Variants in ELK4 observed in about 807,000 individuals in gnomAD.
ELK4 encodes ETS transcription factor ELK4.
ELK4 carries 16 observed loss-of-function variants against 29.6 expected under a neutral mutation model. The ratio of observed to expected loss-of-function variants is 0.54; its 90% CI spans 0.37 to 0.82. The LOEUF (loss-of-function observed/expected upper bound fraction) is 0.82, where lower values mean the gene tolerates loss of function less well. ELK4 is among the 40% of genes least tolerant of loss of function. The probability of loss-of-function intolerance (pLI) is 0.00; values close to 1 mark genes in which losing one functional copy is unlikely to be tolerated. For synonymous variants in ELK4, 213 were observed against 191.1 expected (o/e 1.11, Z -0.95); for missense variants, 465 against 507.1 (o/e 0.92, Z 0.80).
intron 3 of ELK4, chr1:205,619,751 A>G: frequency 3.3e-6 from 5 of 1,493,152 alleles, no homozygotes; most frequent in Non-Finnish European, 3.6e-6. Flanking sequence ...TTACTTGTAG[A>G]ACAATGAATT....
intron 1 of ELK4, chr1:205,626,260 G>A (rs1403614510): frequency 1.3e-5 from 6 of 455,392 alleles, no homozygotes; most frequent in Non-Finnish European, 2.5e-5. Flanking sequence ...ATTCAGGACC[G>A]GCACTTCTTA....
chr1:205,623,594 C>G, intron 2 of ELK4, 82 bp downstream of exon 2: 1 of 1,500,766 alleles, frequency 6.7e-7, no homozygotes, highest in East Asian at 2.3e-5. Context: ...GGATTACAGG[C>G]GTGAGCCACT....
In ELK4 at chr1:205,623,701, C is replaced by A; in HGVS notation, c.182G>T (p.Arg61Leu). Reference sequence around the variant, plus strand: ...CTTTACATAATAGTATCTGAGGGCTCGGCTGAGTTTGTCATAATTCATGTT... The same window carrying A: ...CTTTACATAATAGTATCTGAGGGCTAGGCTGAGTTTGTCATAATTCATGTT... Reference protein sequence around the residue: ...KPNMNYDKLSRALRYYYVKNI... With the variant: ...KPNMNYDKLSLALRYYYVKNI... Residue 61 changes from arginine (R) to leucine (L), a missense_variant, in exon 2 of 5, where the codon CGA (arginine) becomes CTA (leucine). Around this residue, in one of 2 missense-constraint regions of ELK4, gnomAD observed 385 missense variants for 387.5 expected, o/e 0.99. Transcript: ENST00000357992. 1 of 1,614,056 alleles carries A rather than the reference C, an allele frequency of 6.2e-7. No homozygotes were observed. The highest frequency in any genetic ancestry group is 8.5e-7 in the Non-Finnish European group (1 of 1,179,992).
chr1:205,627,325 C>T (rs1354070442), intron 1 of ELK4, among the ~76,000 whole-genome samples: 1 of 151,954 alleles, frequency 6.6e-6, no homozygotes, highest in African/African-American at 2.4e-5. Flanking sequence ...CTGTCTAACA[C>T]AGTGAAACCC....
Position 205,620,068 on chromosome 1 carries a change from T to A in ELK4, c.978A>T (p.Glu326Asp). The A allele has an allele frequency of 6.2e-7, 1 of 1,614,254 alleles. No individual in the cohort carries two copies. Among genetic ancestry groups the A allele is most frequent in the South Asian group, 1.1e-5 (1 of 91,076 alleles). Residue 326 changes from glutamate (E) to aspartate (D), a missense_variant, in exon 3 of 5, where the codon GAA becomes GAT. This residue lies in a region of ELK4 where 385 missense variants were observed against 387.5 expected (regional missense o/e 0.99). Transcript: ENST00000357992. ...SSRSKKPKGL[E>D]LAPTLVITSS... is the part of the protein sequence containing the mutation. Reference sequence around the variant, plus strand: ...TCGTGATCACAAGGGTGGGTGCCAGTTCTAACCCTTTGGGTTTCTTGGATC... The same window carrying A: ...TCGTGATCACAAGGGTGGGTGCCAGATCTAACCCTTTGGGTTTCTTGGATC...
At position 205,610,826 on chromosome 1, in the gene ELK4, A is replaced by C. The variant is rs1292565267; in HGVS notation, c.*5720T>G. 4.3e-6 allele frequency: 1 copy of C among 231,770 alleles called. No homozygotes were observed. The highest frequency in any genetic ancestry group is 5.6e-5 in the Admixed American group (1 of 17,752). The allele number at this position is 231,770 out of a possible 1,614,324, so 14.4% of individuals were successfully genotyped here. A position where few individuals can be genotyped will look rare whatever the true frequency, so the allele number is the denominator to read the frequency against. ...TCAATACATCAGTATATATGCATACACATACATTTACTAGGACAATAAATC... is the reference window on the plus strand; with the variant it reads ...TCAATACATCAGTATATATGCATACCCATACATTTACTAGGACAATAAATC... On this transcript the variant is annotated 3_prime_UTR_variant, in exon 5 of 5. Transcript: ENST00000357992.
At position 205,616,362 on chromosome 1, in the gene ELK4, A is replaced by G; in HGVS notation, c.*184T>C. 2.0e-6 allele frequency: 1 copy of G among 501,556 alleles called. No homozygotes were observed. The highest frequency in any genetic ancestry group is 3.6e-6 in the Non-Finnish European group (1 of 280,096). The allele number at this position is 501,556 out of a possible 1,614,324, so 31.1% of individuals were successfully genotyped here. The stretch of plus-strand genomic sequence containing the variant: ...TAGACTCCAATTAAGGCATTTTTAT[A>G]CATATAGTCCAACTTGAGTCCTATT... On this transcript the variant is annotated 3_prime_UTR_variant, in exon 5 of 5. Transcript: ENST00000357992.
At position 205,613,735 on chromosome 1, in the gene ELK4, G is replaced by C. The variant is rs1222942885; in HGVS notation, c.*2811C>G. The C allele has an allele frequency of 1.6e-5, 2 of 127,374 alleles. No homozygotes were observed. The highest frequency in any genetic ancestry group is 4.9e-4 in the East Asian group (2 of 4,112). The allele number at this position is 127,374 out of a possible 1,614,324, so 7.9% of individuals were successfully genotyped here. A position where few individuals can be genotyped will look rare whatever the true frequency, so the allele number is the denominator to read the frequency against. On this transcript the variant is annotated 3_prime_UTR_variant, in exon 5 of 5. Transcript: ENST00000357992. ...CACACGACTGAGTGGATAGCGACCA[G>C]AGCAGAAGGAAAGCTAAGGTATCAG... is the stretch of plus-strand genomic sequence containing the variant.
In ELK4 at chr1:205,610,888, A is replaced by G. The variant is rs758792206; in HGVS notation, c.*5658T>C. On this transcript the variant is annotated 3_prime_UTR_variant, in exon 5 of 5. Transcript: ENST00000357992. ...GAAAAAGAAATGGTCTAGTCTCCCA[A>G]TTAAATATTTCAAAGTAAAGTTTTC... 1 of 229,094 alleles carries G rather than the reference A, an allele frequency of 4.4e-6. No homozygotes were observed. The highest frequency in any genetic ancestry group is 8.7e-6 in the Non-Finnish European group (1 of 115,584). The allele number at this position is 229,094 out of a possible 1,614,324, so 14.2% of individuals were successfully genotyped here. A position where few individuals can be genotyped will look rare whatever the true frequency, so the allele number is the denominator to read the frequency against.
At chr1:205,617,887 G>A (rs967443206) in intron 4 of ELK4, among the ~76,000 whole-genome samples, 3 of 151,840 alleles carry the variant, frequency 2.0e-5, no homozygotes, top group Admixed American at 2.0e-4. Flanking sequence ...GACAACAAGA[G>A]CAAAACTCCG....
At chr1:205,626,368 G>A (rs1030248955) in intron 1 of ELK4, among the ~76,000 whole-genome samples, 3 of 151,934 alleles carry the variant, frequency 2.0e-5, no homozygotes, top group Non-Finnish European at 4.4e-5. Flanking sequence ...TTCTCTGCCC[G>A]CCTTTCCCAT....
chr1:205,616,473 C>T lies in ELK4; in HGVS notation c.*73G>A, dbSNP rs1337189367. ...ATCAGCATTGTAGAACTATCAATTGCTCACTTCAAATGCAATCATGTTGAA... is the reference window on the plus strand; with the variant it reads ...ATCAGCATTGTAGAACTATCAATTGTTCACTTCAAATGCAATCATGTTGAA... On this transcript the variant is annotated 3_prime_UTR_variant, in exon 5 of 5. Coordinates refer to ENST00000357992, the MANE Select transcript of ELK4 (RefSeq NM_001973.4). 2 of 1,351,866 alleles carry T rather than the reference C, an allele frequency of 1.5e-6. No individual in the cohort carries two copies. The highest frequency in any genetic ancestry group is 1.8e-4 in the Middle Eastern group (1 of 5,546). The allele number at this position is 1,351,866 out of a possible 1,614,324, so 83.7% of individuals were successfully genotyped here.
intron 2 of ELK4, among the ~76,000 whole-genome samples, chr1:205,621,193 T>TAAA (rs61338827): frequency 9.0e-5 from 7 of 77,448 alleles, no homozygotes; most frequent in East Asian, 3.6e-4. Flanking sequence ...GAGTCTGTCT[T>TAAA]AAAAAAAAAA....
At chr1:205,628,681 A>G (rs1216057851) in intron 1 of ELK4, among the ~76,000 whole-genome samples, 2 of 152,194 alleles carry the variant, frequency 1.3e-5, no homozygotes, top group African/African-American at 2.4e-5. Context: ...AGACTCCCCA[A>G]AATAACAGGT....
At chr1:205,629,055 T>C (rs553052006) in intron 1 of ELK4, among the ~76,000 whole-genome samples, 1 of 151,252 alleles carries the variant, frequency 6.6e-6, no homozygotes, top group South Asian at 2.1e-4. Context: ...GTGCCTGTAG[T>C]CCCAGCTACT....
At chr1:205,628,089 C>T (rs1037548111) in intron 1 of ELK4, among the ~76,000 whole-genome samples, 4 of 152,200 alleles carry the variant, frequency 2.6e-5, no homozygotes, top group East Asian at 3.8e-4. Flanking sequence ...CGATAATAAT[C>T]CACAAATATG....
In ELK4 at chr1:205,615,216, C is replaced by A. The variant is rs548897981; in HGVS notation, c.*1330G>T. On this transcript the variant is annotated 3_prime_UTR_variant, in exon 5 of 5. Coordinates refer to ENST00000357992, the MANE Select transcript of ELK4 (RefSeq NM_001973.4). ...GACCATCCTGGCCAACATGGTGAAA[C>A]CCCGTCTCTACTAAAAATACAAAAA... The A allele has an allele frequency of 5.9e-6, 1 of 168,070 alleles. No homozygotes were observed. Among genetic ancestry groups the A allele is most frequent in the South Asian group, 2.0e-4 (1 of 4,942 alleles). 10.4% of individuals were successfully genotyped at this position (168,070 alleles called of 1,614,324 possible).
chr1:205,609,158 GTCT>G lies in ELK4; in HGVS notation c.*7385_*7387del, dbSNP rs1670115534. ...TCATCCCTAATTGTCTCTTAGGAAG[GTCT>G]TCTTTAAAGAAGATCGAGTAGGGCT... On this transcript the variant is annotated 3_prime_UTR_variant, in exon 5 of 5. Transcript: ENST00000357992. The G allele has an allele frequency of 2.6e-5, 5 of 189,568 alleles. No homozygotes were observed. In the East Asian group the frequency reaches 4.2e-4, roughly 16 times the overall value. The allele number at this position is 189,568 out of a possible 1,614,324, so 11.7% of individuals were successfully genotyped here. A position where few individuals can be genotyped will look rare whatever the true frequency, so the allele number is the denominator to read the frequency against.
rs1477687306 is a variant in ELK4, at chr1:205,631,954, C to A, written c.-332G>T. The A allele has an allele frequency of 6.6e-6, 1 of 150,712 alleles. No individual in the cohort carries two copies. Among genetic ancestry groups the A allele is most frequent in the Non-Finnish European group, 1.5e-5 (1 of 67,146 alleles). The allele number at this position is 150,712 out of a possible 1,614,324, so 9.3% of individuals were successfully genotyped here. ...CAGCGGCGGGGCCTGCCAGGCCCTC[C>A]GCGGCCGCCGCCACTCTCAAACCCC... On this transcript the variant is annotated 5_prime_UTR_variant, in exon 1 of 5. Transcript: ENST00000357992.
Sources: gnomAD v4.1 joint callset for allele counts (sites outside exome capture counted in the v4.1 genomes callset) on GRCh38, gnomAD v4.1.1 for gene constraint, gnomAD v4.1.1 regional missense constraint, MANE v1.5 for transcripts, NCBI Gene and HGNC (gene_info 2026-07-23, HGNC 2026-07-21) for gene names.